Variants in AAK1 observed in about 807,000 individuals in gnomAD.
AAK1 encodes AP2 associated kinase 1.
AAK1 carries 37 observed loss-of-function variants against 116.0 expected under a neutral mutation model. That is an observed-to-expected ratio of 0.32 (90% confidence interval 0.25 to 0.42). AAK1 has a LOEUF of 0.42. Ranked by LOEUF, AAK1 falls within the 10% of genes least tolerant of loss-of-function variation. The probability of loss-of-function intolerance (pLI) is 1.00; values close to 1 mark genes in which losing one functional copy is unlikely to be tolerated. For missense variants in AAK1, 919 were observed against 1,170.6 expected (o/e 0.79, Z 3.14); for synonymous variants, 458 against 439.9 (o/e 1.04, Z -0.51).
chr2:69,585,619 G>A (rs954670717), intron 2 of AAK1, among the ~76,000 whole-genome samples: 4 of 152,208 alleles, frequency 2.6e-5, no homozygotes, highest in East Asian at 1.9e-4. Context: ...CTCCTGCATC[G>A]TTAAAGGCAG....
chr2:69,518,586 T>C (rs1462171282), intron 12 of AAK1, among the ~76,000 whole-genome samples: 1 of 152,066 alleles, frequency 6.6e-6, no homozygotes, highest in Non-Finnish European at 1.5e-5. Context: ...GCCCAGCTAA[T>C]TTTTGTATTT....
In AAK1 at chr2:69,469,983, T is replaced by G; in HGVS notation, c.*5886A>C. 1 of 985,388 alleles carries G rather than the reference T, an allele frequency of 1.0e-6. No individual in the cohort carries two copies. The highest frequency in any genetic ancestry group is 1.7e-5 in the African/African-American group (1 of 57,354). The allele number at this position is 985,388 out of a possible 1,614,324, so 61.0% of individuals were successfully genotyped here. On this transcript the variant is annotated 3_prime_UTR_variant, in exon 22 of 22. Transcript: ENST00000409085. Reference sequence around the variant, plus strand: ...GGCAACTATCCTCACCAGCTCCCTATTCACTTCCAAAGCAACCCAAAGTGC... The same window carrying G: ...GGCAACTATCCTCACCAGCTCCCTAGTCACTTCCAAAGCAACCCAAAGTGC...
At position 69,462,782 on chromosome 2, in the gene AAK1, G is replaced by C. The variant is rs138836719; in HGVS notation, c.*13087C>G. On this transcript the variant is annotated 3_prime_UTR_variant, in exon 22 of 22. Transcript: ENST00000409085. Reference sequence around the variant, plus strand: ...CTTCACTTGATAATGACCATGGGAAGAATCTGGGGTGCAAAGTTCCACGTG... The same window carrying C: ...CTTCACTTGATAATGACCATGGGAACAATCTGGGGTGCAAAGTTCCACGTG... The C allele has an allele frequency of 6.6e-6, 1 of 152,250 alleles. No individual in the cohort carries two copies. The highest frequency in any genetic ancestry group is 2.4e-5 in the African/African-American group (1 of 41,558). The allele number at this position is 152,250 out of a possible 1,614,324, so 9.4% of individuals were successfully genotyped here.
intron 10 of AAK1, among the ~76,000 whole-genome samples, chr2:69,524,617 T>TAC: frequency 6.6e-6 from 1 of 152,034 alleles, no homozygotes; most frequent in Non-Finnish European, 1.5e-5. Flanking sequence ...GTATTTTTAG[T>TAC]AGATGGGATT....
chr2:69,507,647 A>T, intron 14 of AAK1, 69 bp from the exon 15 acceptor site: 1 of 1,325,794 alleles, frequency 7.5e-7, no homozygotes, highest in Non-Finnish European at 1.0e-6. Context: ...GGGTCAACTT[A>T]TTTTCTCTGT....
chr2:69,541,227 CTTTTTTTTT>C (rs545915571), intron 5 of AAK1, among the ~76,000 whole-genome samples: 1 of 125,296 alleles, frequency 8.0e-6, no homozygotes, highest in East Asian at 2.3e-4. Flanking sequence ...TTTTATACTT[CTTTTTTTTT>C]TTTTTTTTTT....
chr2:69,551,079 G>A (rs1236458344), intron 3 of AAK1, among the ~76,000 whole-genome samples: 4 of 149,832 alleles, frequency 2.7e-5, no homozygotes, highest in Non-Finnish European at 3.0e-5. Flanking sequence ...AAACAATTAT[G>A]TATTATGTAT....
At chr2:69,564,034 ATACAAAAATTAGCTGGG>A (rs1253680551) in intron 2 of AAK1, among the ~76,000 whole-genome samples, 1 of 152,108 alleles carries the variant, frequency 6.6e-6, no homozygotes, top group Non-Finnish European at 1.5e-5. Flanking sequence ...TCTACTAAAA[ATACAAAAATTAGCTGGG>A]TGTGGTGGCG....
At chr2:69,495,838 G>T in intron 17 of AAK1, 147 bp downstream of exon 17, 1 of 631,598 alleles carries the variant, frequency 1.6e-6, no homozygotes, top group Non-Finnish European at 2.7e-6. Flanking sequence ...TCCTCTTATT[G>T]AGACACAGTA....
chr2:69,586,196 C>T (rs918236473), intron 2 of AAK1, among the ~76,000 whole-genome samples: 3 of 152,204 alleles, frequency 2.0e-5, no homozygotes, highest in Admixed American at 2.0e-4. Context: ...CTAAAATAAT[C>T]ATTATGCAGC....
chr2:69,484,913 A>T (rs1052665772), intron 17 of AAK1, among the ~76,000 whole-genome samples: 5 of 151,848 alleles, frequency 3.3e-5, no homozygotes. Flanking sequence ...AAAAAAAGGA[A>T]GGAAAAAAAA....
At chr2:69,531,852 T>A in intron 6 of AAK1, 189 bp downstream of exon 6, 1 of 1,266,000 alleles carries the variant, frequency 7.9e-7, no homozygotes, top group Non-Finnish European at 1.0e-6. Flanking sequence ...TACTCTGATG[T>A]ATGCCTGTAA....
chr2:69,573,440 C>G (rs1031513225), intron 2 of AAK1, among the ~76,000 whole-genome samples: 4 of 152,094 alleles, frequency 2.6e-5, no homozygotes, highest in African/African-American at 9.7e-5. Context: ...AGCATTCCAC[C>G]CAAGTATCTA....
At chr2:69,499,984 G>A (rs1675907490) in intron 16 of AAK1, 1 of 152,208 alleles carries the variant, frequency 6.6e-6, no homozygotes, top group African/African-American at 2.4e-5. Context: ...GAGGCACCAT[G>A]TGAAGTTTTA....
At chr2:69,638,524 C>A (rs1047142516) in intron 2 of AAK1, among the ~76,000 whole-genome samples, 2 of 152,202 alleles carry the variant, frequency 1.3e-5, no homozygotes, top group African/African-American at 4.8e-5. Context: ...AAGTGAGTAG[C>A]AAGCACCTCC....
In AAK1 at chr2:69,465,531, G is replaced by A. The variant is rs1229781623; in HGVS notation, c.*10338C>T. The A allele has an allele frequency of 2.3e-6, 3 of 1,290,970 alleles. No individual in the cohort carries two copies. Among genetic ancestry groups the A allele is most frequent in the Admixed American group, 4.6e-5 (2 of 43,558 alleles). 80.0% of individuals were successfully genotyped at this position (1,290,970 alleles called of 1,614,324 possible). On this transcript the variant is annotated 3_prime_UTR_variant, in exon 22 of 22. Transcript: ENST00000409085. Reference sequence around the variant, plus strand: ...AAGGGATGTGATAGAAACAGACCCAGCTATCGACTGCTTGTTGGTTTGTGA... The same window carrying A: ...AAGGGATGTGATAGAAACAGACCCAACTATCGACTGCTTGTTGGTTTGTGA...
At chr2:69,503,936 T>C (rs1312243215) in intron 16 of AAK1, among the ~76,000 whole-genome samples, 2 of 150,336 alleles carry the variant, frequency 1.3e-5, no homozygotes, top group African/African-American at 4.9e-5. Context: ...AAGGTGGAGG[T>C]TGCAGTGAGC....
chr2:69,593,433 A>AT (rs139530872), intron 2 of AAK1, among the ~76,000 whole-genome samples: 4,300 of 151,892 alleles, frequency 0.028, 211 homozygotes, highest in African/African-American at 0.098. Context: ...CCACAAGTAA[A>AT]TTTTTTTTAA....
rs1669747378 is a variant in AAK1, at chr2:69,520,869, T to C, written c.1175A>G (p.Lys392Arg). ...AGGTGGGGGCTGAACAGTGGCCCTC[T>C]TCCGGGGTGTCAGCGCTGGCTGGAT... ...LPIQPALTPR[K>R]RATVQPPPQA... Residue 392 changes from lysine (K) to arginine (R), a missense_variant, in exon 11 of 22, where the codon AAG becomes AGG. Physicochemically the swap from Lys to Arg is conservative, Grantham distance 26. Transcript: ENST00000409085. 1 of 1,591,456 alleles carries C rather than the reference T, an allele frequency of 6.3e-7. No individual in the cohort carries two copies. Among genetic ancestry groups the C allele is most frequent in the Non-Finnish European group, 8.5e-7 (1 of 1,170,370 alleles).
Sources: gnomAD v4.1 joint callset for allele counts (sites outside exome capture counted in the v4.1 genomes callset) on GRCh38, gnomAD v4.1.1 for gene constraint, MANE v1.5 for transcripts, NCBI Gene and HGNC (gene_info 2026-07-23, HGNC 2026-07-21) for gene names.